Variants in DHRS7B observed in about 807,000 individuals in gnomAD.
DHRS7B encodes dehydrogenase/reductase 7B, also known as peroxisomal reductase activating PPAR-gamma.
Under a neutral mutation model 26.4 loss-of-function variants are expected in DHRS7B, and 24 were observed. The observed-to-expected ratio is 0.91, with a 90% confidence interval of 0.66 to 1.28. The LOEUF (loss-of-function observed/expected upper bound fraction) is 1.28. DHRS7B is among the 50% of genes most tolerant of loss of function. The pLI, the probability that DHRS7B is intolerant of heterozygous loss-of-function variation, is 0.00. For missense variants in DHRS7B, 368 were observed against 419.4 expected, an observed-to-expected ratio of 0.88 and a Z score of 1.07; for synonymous variants, 142 against 166.4, an observed-to-expected ratio of 0.85 and a Z score of 1.13.
intron 2 of DHRS7B, among the ~76,000 whole-genome samples, chr17:21,172,685 G>GC (rs1387748500): frequency 3.9e-5 from 6 of 152,140 alleles, no homozygotes; most frequent in Admixed American, 3.3e-4. Context: ...CCCAGGCCAG[G>GC]CCCCCAGCTG....
At chr17:21,135,422 A>G (rs1973320229) in intron 1 of DHRS7B, among the ~76,000 whole-genome samples, 1 of 152,238 alleles carries the variant, frequency 6.6e-6, no homozygotes, top group Admixed American at 6.5e-5. Context: ...GATTTGGGAA[A>G]GTTTGTCAAA....
At position 21,178,362 on chromosome 17, in the gene DHRS7B, T is replaced by C. The variant is rs1383808294; in HGVS notation, c.309+20T>C. 6.2e-7 allele frequency: 1 copy of C among 1,605,482 alleles called. No individual in the cohort carries two copies. Among genetic ancestry groups the C allele is most frequent in the Non-Finnish European group, 8.5e-7 (1 of 1,173,140 alleles). ...ACCAAGGTGAGCCAGGGGCGTGCTT[T>C]CCATGGGGAAGGAGTGCAGGCCGTC... is the stretch of plus-strand genomic sequence containing the variant. On this transcript the variant is annotated intron_variant, in intron 3 of 6. Transcript: ENST00000395511.
chr17:21,152,062 C>T (rs761443226), intron 1 of DHRS7B, among the ~76,000 whole-genome samples: 5 of 152,238 alleles, frequency 3.3e-5, no homozygotes, highest in Non-Finnish European at 7.3e-5. Context: ...AAAAGCTGAG[C>T]AGATGCCAGC....
intron 1 of DHRS7B, among the ~76,000 whole-genome samples, chr17:21,157,021 G>T (rs1010973345): frequency 4.0e-5 from 6 of 151,752 alleles, no homozygotes; most frequent in African/African-American, 1.5e-4. Context: ...CACGCAATAA[G>T]AAATAGACAC....
At chr17:21,162,629 T>C (rs901760489) in intron 1 of DHRS7B, among the ~76,000 whole-genome samples, 15 of 152,150 alleles carry the variant, frequency 9.9e-5, no homozygotes, top group South Asian at 2.1e-4. Flanking sequence ...CTATGGAGGC[T>C]ACACTGAAAA....
chr17:21,177,354 C>T (rs1204993940), intron 2 of DHRS7B, among the ~76,000 whole-genome samples: 2 of 152,232 alleles, frequency 1.3e-5, no homozygotes, highest in Non-Finnish European at 2.9e-5. Flanking sequence ...GGCAAATTCT[C>T]TTTTTGCTTT....
chr17:21,169,383 A>G (rs144313989), intron 1 of DHRS7B, among the ~76,000 whole-genome samples: 2 of 152,284 alleles, frequency 1.3e-5, no homozygotes, highest in Admixed American at 1.3e-4. Flanking sequence ...GGTCATTATG[A>G]TGCTGGTGGC....
intron 1 of DHRS7B, among the ~76,000 whole-genome samples, chr17:21,154,887 T>C (rs924923118): frequency 5.3e-5 from 8 of 152,168 alleles, no homozygotes; most frequent in African/African-American, 1.7e-4. Context: ...TGGAGTGATA[T>C]AGTGTTATTT....
chr17:21,182,208 G>A (rs1190317257), intron 3 of DHRS7B, among the ~76,000 whole-genome samples: 2 of 151,974 alleles, frequency 1.3e-5, no homozygotes, highest in Non-Finnish European at 1.5e-5. Context: ...TTTTTCCCTC[G>A]TTCTATTAAT....
chr17:21,141,640 A>AAAAAAAAAAAGG, intron 1 of DHRS7B, among the ~76,000 whole-genome samples: 10 of 90,076 alleles, frequency 1.1e-4, no homozygotes, highest in Non-Finnish European at 1.9e-4. Context: ...AAAAAAAAAA[A>AAAAAAAAAAAGG]CAACCTCATC....
At position 21,169,865 on chromosome 17, in the gene DHRS7B, C is replaced by T. The variant is rs561667741; in HGVS notation, c.21-2153C>T. 9.2e-5 allele frequency among the ~76,000 whole-genome samples: 14 copies of T among 152,188 alleles called. No individual in the cohort carries two copies. The South Asian group carries it at 1.2e-3, about 14-fold the overall frequency. On this transcript the variant is annotated intron_variant, in intron 1 of 6. Transcript: ENST00000395511. ...CTACTATCCTTCCCTGAGCTGAGGC[C>T]CCCACCCCTTTCATACCTCAAGCTC...
At chr17:21,131,564 TTTC>T (rs1973230816) in intron 1 of DHRS7B, among the ~76,000 whole-genome samples, 1 of 152,228 alleles carries the variant, frequency 6.6e-6, no homozygotes, top group African/African-American at 2.4e-5. Context: ...CAGCAAGGTC[TTTC>T]TGACCTGTAT....
intron 1 of DHRS7B, among the ~76,000 whole-genome samples, chr17:21,147,473 C>T (rs138340057): frequency 3.5e-4 from 53 of 152,296 alleles, no homozygotes; most frequent in African/African-American, 1.1e-3. Flanking sequence ...GAGATTATCA[C>T]GAGAATTGTC....
rs1262009401 is a variant in DHRS7B, at chr17:21,191,272, T to G, written c.*119T>G. On this transcript the variant is annotated 3_prime_UTR_variant, in exon 7 of 7. Transcript: ENST00000395511. ...GATTTGTCTCACAAGTGGGAAAGAC[T>G]GAAGAAACACATCTCGTGCAGATCT... is the stretch of plus-strand genomic sequence containing the variant. The G allele has an allele frequency of 2.8e-6, 3 of 1,061,432 alleles. No homozygotes were observed. The highest frequency in any genetic ancestry group is 4.1e-6 in the Non-Finnish European group (3 of 723,986). 65.8% of individuals were successfully genotyped at this position (1,061,432 alleles called of 1,614,324 possible).
At position 21,183,794 on chromosome 17, in the gene DHRS7B, A is replaced by G. The variant is rs2144208073; in HGVS notation, c.510A>G (p.Pro170=). 1.2e-6 allele frequency: 2 copies of G among 1,614,196 alleles called. No homozygotes were observed. Among genetic ancestry groups the G allele is most frequent in the Middle Eastern group, 1.6e-4 (1 of 6,062 alleles). The change falls in exon 4 of 7, where the codon CCA becomes CCG. Residue 170 remains proline, a synonymous_variant. Transcript: ENST00000395511. ...KRVMETNYFG[P]VALTKALLPS... ...TCATGGAGACAAACTACTTTGGCCC[A>G]GTTGCTCTAACGAAAGGTAACAGTC...
intron 3 of DHRS7B, 79 bp downstream of exon 3, chr17:21,178,421 C>T (rs1271328937): frequency 8.5e-6 from 10 of 1,181,394 alleles, no homozygotes; most frequent in Non-Finnish European, 1.2e-5. Context: ...TGGCCCACTC[C>T]TGGACTGCTG....
intron 3 of DHRS7B, among the ~76,000 whole-genome samples, chr17:21,181,525 C>T (rs1045221485): frequency 6.6e-6 from 1 of 152,192 alleles, no homozygotes; most frequent in African/African-American, 2.4e-5. Flanking sequence ...GAAGGCATCA[C>T]ATGGGCGAGA....
At chr17:21,172,528 G>T (rs1974282032) in intron 2 of DHRS7B, 2 of 411,730 alleles carry the variant, frequency 4.9e-6, no homozygotes, top group Non-Finnish European at 9.0e-6. Flanking sequence ...GGAATTTTAT[G>T]TGAAATATCC....
intron 1 of DHRS7B, among the ~76,000 whole-genome samples, chr17:21,132,508 G>A (rs1427848554): frequency 7.1e-6 from 1 of 141,336 alleles, no homozygotes; most frequent in Non-Finnish European, 1.5e-5. Flanking sequence ...CCCAGCCTAG[G>A]TGGCAGAGGG....
Sources: allele counts gnomAD v4.1 joint callset (sites outside exome capture counted in the v4.1 genomes callset), GRCh38; gene constraint gnomAD v4.1.1; transcripts MANE v1.5; gene names NCBI Gene and HGNC (gene_info 2026-07-23, HGNC 2026-07-21).